ACSM4: variants seen among roughly 807,000 people sequenced by gnomAD.
ACSM4 encodes acyl-coenzyme A synthetase ACSM4, mitochondrial.
ACSM4 carries 66 observed loss-of-function variants against 73.0 expected under a neutral mutation model. The ratio of observed to expected loss-of-function variants is 0.90; its 90% CI spans 0.74 to 1.11. The LOEUF is 1.11. Ranked by LOEUF, ACSM4 falls within the 50% of genes least tolerant of loss-of-function variation. The pLI is 0.00. For missense variants in ACSM4, 645 were observed against 714.4 expected (o/e 0.90, Z 1.11); for synonymous variants, 222 against 254.0 (o/e 0.87, Z 1.20).
At chr12:7,328,254 A>G (rs1365204549) in intron 12 of ACSM4, 33 bp from the exon 13 acceptor site, 12 of 1,497,330 alleles carry the variant, frequency 8.0e-6, no homozygotes, top group Non-Finnish European at 1.0e-5. Flanking sequence ...GGATGGAATC[A>G]AGTGTCTCAT....
rs1403067176 is a variant in ACSM4 at position 7,322,544 on chromosome 12, A to G, written c.1125+3A>G. The G allele has an allele frequency of 6.2e-7, 1 of 1,612,730 alleles. No homozygotes were observed. The highest frequency in any genetic ancestry group is 1.3e-5 in the African/African-American group (1 of 74,886). ...AGGGCTATGGACAGACGGAAGTGGT[A>G]TATCTAAAGGGCATTTATGTTTAGT... On this transcript the variant is annotated splice_donor_region_variant and intron_variant, in intron 7 of 12. Transcript: ENST00000399422.
Position 7,306,754 on chromosome 12 carries a change from A to G in ACSM4, c.412+11A>G. The G allele has an allele frequency of 6.3e-7, 1 of 1,599,626 alleles. No individual in the cohort carries two copies. The highest frequency in any genetic ancestry group is 8.5e-7 in the Non-Finnish European group (1 of 1,172,192). On this transcript the variant is annotated intron_variant, in intron 2 of 12. Coordinates refer to ENST00000399422, the MANE Select transcript of ACSM4 (RefSeq NM_001080454.2). ...CTTGCATACGAACAGGTCAGTGCCA[A>G]TATTAGCATTCTAAATCACACAAAC... is the stretch of plus-strand genomic sequence containing the variant.
chr12:7,306,407 G>A (rs1166483321), intron 1 of ACSM4, 126 bp from the exon 2 acceptor site: 6 of 869,088 alleles, frequency 6.9e-6, no homozygotes, highest in East Asian at 2.7e-5. Context: ...CCTCAAAGAC[G>A]AACTCAGGGC....
chr12:7,327,337 G>A (rs1012033462), intron 12 of ACSM4, among the ~76,000 whole-genome samples: 5 of 152,068 alleles, frequency 3.3e-5, no homozygotes, highest in African/African-American at 1.2e-4. Flanking sequence ...GTCTTTCTAG[G>A]ACTAACTAGT....
Position 7,304,572 on chromosome 12 carries a change from C to T in ACSM4, c.201+40C>T, listed in dbSNP as rs1946351488. The T allele has an allele frequency of 3.2e-6, 5 of 1,570,196 alleles. No individual in the cohort carries two copies. The East Asian group carries it at 6.7e-5, about 21-fold the overall frequency. ...GCTTCCAGTAGATGCTTGGTGTCCC[C>T]TTATCTCTCAGTCTTCCATTTCCTT... On this transcript the variant is annotated intron_variant, in intron 1 of 12. Coordinates refer to ENST00000399422, the MANE Select transcript of ACSM4 (RefSeq NM_001080454.2).
At chr12:7,324,864 A>T (rs1445533749) in intron 11 of ACSM4, among the ~76,000 whole-genome samples, 2 of 152,022 alleles carry the variant, frequency 1.3e-5, no homozygotes, top group East Asian at 3.9e-4. Context: ...GGCTCATATA[A>T]GTGACAAGTA....
intron 11 of ACSM4, 130 bp from the exon 12 acceptor site, chr12:7,326,846 C>A: frequency 2.0e-6 from 2 of 1,022,646 alleles, no homozygotes; most frequent in Non-Finnish European, 2.7e-6. Context: ...TCAGAGGTAA[C>A]CTCTGGCATT....
At position 7,304,527 on chromosome 12, in the gene ACSM4, G is replaced by T; in HGVS notation, c.196G>T (p.Glu66Ter). The T allele has an allele frequency of 6.2e-7, 1 of 1,613,270 alleles. No individual in the cohort carries two copies. The highest frequency in any genetic ancestry group is 1.1e-5 in the South Asian group (1 of 91,048). The change falls in exon 1 of 13, where the codon GAG becomes TAG. Residue 66 changes from glutamate to a stop codon, truncating the protein, a stop_gained. Transcript: ENST00000399422. LOFTEE classifies it high-confidence loss of function. ...TGTGCTGGACCAGTGGTCCCAAAAGGAGAAGGTATATGACGATGGGCTTCC... is the reference window on the plus strand; with the variant it reads ...TGTGCTGGACCAGTGGTCCCAAAAGTAGAAGGTATATGACGATGGGCTTCC... ...ADVLDQWSQK[E>*]KTGERPANPA... is the part of the protein sequence containing the mutation.
chr12:7,322,074 G>T (rs867943511), intron 6 of ACSM4, among the ~76,000 whole-genome samples: 1 of 152,166 alleles, frequency 6.6e-6, no homozygotes, highest in Non-Finnish European at 1.5e-5. Context: ...ACAACATAGC[G>T]ACTGATCAAT....
intron 2 of ACSM4, among the ~76,000 whole-genome samples, chr12:7,309,742 A>G (rs969757927): frequency 3.9e-5 from 6 of 151,934 alleles, no homozygotes; most frequent in Admixed American, 6.6e-5. Context: ...CTTAGTCCCA[A>G]TGGATTGTTG....
intron 11 of ACSM4, 32 bp from the exon 12 acceptor site, chr12:7,326,944 A>C: frequency 6.4e-7 from 1 of 1,560,180 alleles, no homozygotes; most frequent in South Asian, 1.2e-5. Flanking sequence ...TGAAAAACAA[A>C]TGAGCAAGAT....
intron 3 of ACSM4, among the ~76,000 whole-genome samples, chr12:7,312,526 G>T (rs936143929): frequency 6.6e-6 from 1 of 152,198 alleles, no homozygotes; most frequent in African/African-American, 2.4e-5. Flanking sequence ...AGTTTTACTT[G>T]TGAGAATGAA....
rs184499452 is a variant in ACSM4 at position 7,328,446 on chromosome 12, G to A, written c.*73G>A. 5.5e-5 allele frequency: 64 copies of A among 1,167,776 alleles called. No homozygotes were observed. Among genetic ancestry groups the A allele is most frequent in the Non-Finnish European group, 4.5e-5 (38 of 851,716 alleles). The allele number at this position is 1,167,776 out of a possible 1,614,324, so 72.3% of individuals were successfully genotyped here. On this transcript the variant is annotated 3_prime_UTR_variant, in exon 13 of 13. Coordinates refer to ENST00000399422, the MANE Select transcript of ACSM4 (RefSeq NM_001080454.2). ...TTAGTATTTGTTCCGATAATTCAGC[G>A]ACTACTCTCTTAAAATGTTTAAGAT...
intron 11 of ACSM4, 43 bp from the exon 12 acceptor site, chr12:7,326,933 C>A: frequency 1.3e-6 from 2 of 1,543,752 alleles, no homozygotes; most frequent in African/African-American, 1.4e-5. Flanking sequence ...CTTGATGTGT[C>A]TGAAAAACAA....
chr12:7,308,439 T>C (rs1369010231), intron 2 of ACSM4, among the ~76,000 whole-genome samples: 3 of 152,216 alleles, frequency 2.0e-5, no homozygotes, highest in Non-Finnish European at 4.4e-5. Context: ...AATGAGAATA[T>C]TGAAATTGTT....
In ACSM4 at chr12:7,324,317, T is replaced by C. The variant is rs755898136; in HGVS notation, c.1353T>C (p.Tyr451=). 4 of 1,613,776 alleles carry C rather than the reference T, an allele frequency of 2.5e-6. No individual in the cohort carries two copies. In the African/African-American group the frequency reaches 5.3e-5, roughly 22 times the overall value. ...CTGCCACGATAAGAGGAGATTTTTA[T>C]GTCACTGGAGACAGAGGAGTGATGG... ...KTAATIRGDF[Y]VTGDRGVMDS... The change falls in exon 10 of 13, where the codon TAT becomes TAC. Residue 451 remains tyrosine (Y), a synonymous_variant. Transcript: ENST00000399422.
intron 6 of ACSM4, among the ~76,000 whole-genome samples, chr12:7,322,074 G>A (rs867943511): frequency 3.9e-5 from 6 of 152,286 alleles, no homozygotes; most frequent in East Asian, 1.9e-4. Flanking sequence ...ACAACATAGC[G>A]ACTGATCAAT....
chr12:7,306,848 A>C (rs1263933462), intron 2 of ACSM4, 105 bp downstream of exon 2: 1 of 61,260 alleles, frequency 1.6e-5, no homozygotes, highest in Non-Finnish European at 2.5e-5. Flanking sequence ...TACAGAAGAC[A>C]AAAAAAAAAA....
intron 3 of ACSM4, 56 bp downstream of exon 3, chr12:7,310,802 T>C (rs10843387): frequency 0.079 from 118,894 of 1,499,022 alleles, 5,148 homozygotes; most frequent in East Asian, 0.17. Flanking sequence ...ATTATAGCTA[T>C]ATCTTGGAAT....
Sources: allele counts gnomAD v4.1 joint callset (sites outside exome capture counted in the v4.1 genomes callset), GRCh38; gene constraint gnomAD v4.1.1; transcripts MANE v1.5; gene names NCBI Gene and HGNC (gene_info 2026-07-23, HGNC 2026-07-21).